The following SLC25A21 variants were observed in gnomAD, a reference collection of about 807,000 sequenced individuals.
SLC25A21 encodes the protein solute carrier family 25 member 21.
A neutral mutation model predicts 43.8 loss-of-function variants in SLC25A21; 47 were observed. The observed-to-expected ratio is 1.07, with a 90% CI of 0.85 to 1.37. The LOEUF is 1.37. Among genes scored for constraint, SLC25A21 ranks in the 40% most tolerant of loss-of-function variants. SLC25A21 has a pLI of 0.00. For missense variants in SLC25A21, 352 were observed against 350.2 expected (o/e 1.00, Z -0.04); for synonymous variants, 131 against 121.3 (o/e 1.08, Z -0.52).
At chr14:36,922,791 A>T (rs1033136630) in intron 1 of SLC25A21, among the ~76,000 whole-genome samples, 10 of 152,276 alleles carry the variant, frequency 6.6e-5, no homozygotes, top group African/African-American at 2.4e-4. Context: ...CTTTAGACAC[A>T]TCCTTAAAAA....
intron 2 of SLC25A21, among the ~76,000 whole-genome samples, chr14:36,845,006 C>A (rs895844721): frequency 6.6e-6 from 1 of 152,266 alleles, no homozygotes; most frequent in Middle Eastern, 3.4e-3. Flanking sequence ...ACATTTCTTG[C>A]AAACTGATGT....
At position 36,938,961 on chromosome 14, in the gene SLC25A21, TTG is replaced by T. The variant is rs1892491979; in HGVS notation, c.71-63959_71-63958del. On this transcript the variant is annotated intron_variant, in intron 1 of 9. Transcript: ENST00000331299. ...CTTACTCTTGTTCACTACTCTCAGC[TTG>T]TGTTTCTGAAAAGTTTTATGTAAAC... is the stretch of plus-strand genomic sequence containing the variant. 4.6e-5 allele frequency among the ~76,000 whole-genome samples: 7 copies of T among 152,300 alleles called. No individual in the cohort carries two copies. In the South Asian group the frequency reaches 1.5e-3, roughly 32 times the overall value.
rs77153960 is a variant in SLC25A21 at position 37,148,998 on chromosome 14, G to A, written c.70+23283C>T. ...TGGCTCACAATAGCCTCAACCTCCAGGGCTCAAGCAATTCTCCCCACTTTG... is the reference window on the plus strand; with the variant it reads ...TGGCTCACAATAGCCTCAACCTCCAAGGCTCAAGCAATTCTCCCCACTTTG... On this transcript the variant is annotated intron_variant, in intron 1 of 9. Coordinates refer to ENST00000331299, the MANE Select transcript of SLC25A21 (RefSeq NM_030631.4). 5.5e-3 allele frequency among the ~76,000 whole-genome samples: 837 copies of A among 152,210 alleles called. 9 individuals carry two copies. Among genetic ancestry groups the A allele is most frequent in the African/African-American group, 0.02 (813 of 41,534 alleles).
chr14:36,762,783 G>A (rs186542187), intron 3 of SLC25A21, among the ~76,000 whole-genome samples: 96 of 152,288 alleles, frequency 6.3e-4, no homozygotes, highest in Non-Finnish European at 9.1e-4. Context: ...ATTCATTGAA[G>A]GAATGTTTGT....
At chr14:36,728,789 G>A (rs1359209285) in intron 5 of SLC25A21, among the ~76,000 whole-genome samples, 1 of 152,196 alleles carries the variant, frequency 6.6e-6, no homozygotes, top group Non-Finnish European at 1.5e-5. Flanking sequence ...GAGGGCCAAT[G>A]CAGATTTTGT....
intron 3 of SLC25A21, 112 bp downstream of exon 3, chr14:36,813,806 G>A: frequency 2.8e-6 from 2 of 713,758 alleles, no homozygotes; most frequent in Non-Finnish European, 4.7e-6. Context: ...AAGTAGAAAG[G>A]TACCCTTTTA....
chr14:36,782,841 T>C (rs1473565360), intron 3 of SLC25A21, among the ~76,000 whole-genome samples: 2 of 150,014 alleles, frequency 1.3e-5, no homozygotes, highest in East Asian at 2.0e-4. Flanking sequence ...TTGGGAGATA[T>C]ACCTAATGCT....
intron 1 of SLC25A21, among the ~76,000 whole-genome samples, chr14:37,167,743 T>G (rs2180633): frequency 1.3e-5 from 2 of 151,978 alleles, no homozygotes; most frequent in Admixed American, 6.6e-5. Context: ...AGACCCTGCG[T>G]TTGATGGATC....
intron 5 of SLC25A21, 63 bp downstream of exon 5, chr14:36,729,444 G>T: frequency 7.9e-7 from 1 of 1,273,628 alleles, no homozygotes; most frequent in African/African-American, 1.5e-5. Flanking sequence ...AAGAGTTTTT[G>T]TTTCTAGATT....
At chr14:36,681,207 C>T (rs12432569) in intron 9 of SLC25A21, among the ~76,000 whole-genome samples, 4,948 of 152,186 alleles carry the variant, frequency 0.033, 283 homozygotes, top group East Asian at 0.3. Context: ...TGCATTGCTA[C>T]GTGGAAATTA....
At chr14:37,043,377 G>A (rs573538470) in intron 1 of SLC25A21, among the ~76,000 whole-genome samples, 12 of 152,312 alleles carry the variant, frequency 7.9e-5, no homozygotes, top group Admixed American at 3.9e-4. Context: ...CCAAAAGACC[G>A]TTCAGGATAT....
intron 1 of SLC25A21, among the ~76,000 whole-genome samples, chr14:37,051,798 G>C (rs986422002): frequency 5.3e-5 from 8 of 152,192 alleles, no homozygotes; most frequent in East Asian, 1.9e-4. Context: ...CAGGTAGGGA[G>C]AGAGCCAGTG....
At chr14:37,160,603 G>A (rs961303192) in intron 1 of SLC25A21, among the ~76,000 whole-genome samples, 2 of 151,994 alleles carry the variant, frequency 1.3e-5, no homozygotes, top group African/African-American at 4.8e-5. Flanking sequence ...AAGAGAAGTA[G>A]GTTAAAGAGT....
rs182643429 is a variant in SLC25A21, at chr14:36,981,865, T to A, written c.71-106861A>T. Among the ~76,000 whole-genome samples the A allele has an allele frequency of 2.6e-4, 39 of 152,192 alleles. 1 individual carries two copies. Among genetic ancestry groups the A allele is most frequent in the African/African-American group, 9.1e-4 (38 of 41,566 alleles). On this transcript the variant is annotated intron_variant, in intron 1 of 9. Coordinates refer to ENST00000331299, the MANE Select transcript of SLC25A21 (RefSeq NM_030631.4). ...TAAAAATAAAATTAAATTAAAAAAA[T>A]AAATAAAAAACTGTTGAATTATTTG...
At chr14:36,701,774 T>C (rs1248412451) in intron 7 of SLC25A21, among the ~76,000 whole-genome samples, 1 of 152,194 alleles carries the variant, frequency 6.6e-6, no homozygotes, top group Non-Finnish European at 1.5e-5. Flanking sequence ...AAAGTATTTA[T>C]ATATTTCCTT....
chr14:36,826,112 T>C (rs848070), intron 2 of SLC25A21, among the ~76,000 whole-genome samples: 146,091 of 152,290 alleles, frequency 0.96, 70,366 homozygotes, highest in East Asian at 1. Flanking sequence ...AGACACCAAC[T>C]CTCTCACAGA....
chr14:36,911,249 A>C (rs1891679377), intron 1 of SLC25A21, among the ~76,000 whole-genome samples: 1 of 152,310 alleles, frequency 6.6e-6, no homozygotes, highest in South Asian at 2.1e-4. Context: ...TTTTACATGT[A>C]TTAATTCATT....
chr14:36,773,057 T>C (rs776873670), intron 3 of SLC25A21, among the ~76,000 whole-genome samples: 2 of 152,206 alleles, frequency 1.3e-5, no homozygotes, highest in Non-Finnish European at 2.9e-5. Context: ...AGTTCTCTTT[T>C]TCTGCTGCAG....
chr14:36,877,530 A>C (rs1300001939), intron 1 of SLC25A21, among the ~76,000 whole-genome samples: 2 of 152,114 alleles, frequency 1.3e-5, no homozygotes, highest in Non-Finnish European at 2.9e-5. Flanking sequence ...TGTGTCTGGT[A>C]TTGAGGATAG....
Sources: gnomAD v4.1 joint callset for allele counts (sites outside exome capture counted in the v4.1 genomes callset) on GRCh38, gnomAD v4.1.1 for gene constraint, MANE v1.5 for transcripts, NCBI Gene and HGNC (gene_info 2026-07-23, HGNC 2026-07-21) for gene names.